TANGO6: variants seen among roughly 807,000 people sequenced by gnomAD.
The protein encoded by TANGO6 is transport and Golgi organization protein 6 homolog.
A neutral mutation model predicts 114.2 loss-of-function variants in TANGO6; 90 were observed. The observed-to-expected ratio is 0.79, with a 90% CI of 0.66 to 0.94. The LOEUF is 0.94. Among genes scored for constraint, TANGO6 ranks in the 40% least tolerant of loss-of-function variants. The pLI is 0.00. For missense variants in TANGO6, 1,274 were observed against 1,315.3 expected, an observed-to-expected ratio of 0.97 and a Z score of 0.49; for synonymous variants, 477 against 509.8, an observed-to-expected ratio of 0.94 and a Z score of 0.87.
At chr16:68,962,459 A>G (rs922517225) in intron 14 of TANGO6, among the ~76,000 whole-genome samples, 1 of 152,082 alleles carries the variant, frequency 6.6e-6, no homozygotes, top group African/African-American at 2.4e-5. Flanking sequence ...ATACATTTTC[A>G]TATCTTCTTT....
chr16:68,902,205 A>C, intron 8 of TANGO6, 123 bp from the exon 9 acceptor site: 6 of 851,820 alleles, frequency 7.0e-6, no homozygotes, highest in East Asian at 2.7e-5. Context: ...CAGTAGTACT[A>C]GGAGATTGTG....
At chr16:68,882,781 G>T (rs1803274935) in intron 7 of TANGO6, among the ~76,000 whole-genome samples, 1 of 152,034 alleles carries the variant, frequency 6.6e-6, no homozygotes, top group Non-Finnish European at 1.5e-5. Flanking sequence ...CACTTTGGGA[G>T]GCCAAGGCGG....
At chr16:69,017,839 C>G (rs958123986) in intron 15 of TANGO6, among the ~76,000 whole-genome samples, 1 of 151,992 alleles carries the variant, frequency 6.6e-6, no homozygotes, top group African/African-American at 2.4e-5. Context: ...CCCTTCCTAA[C>G]TCCAGAAAGA....
At chr16:69,038,571 T>A (rs946829398) in intron 16 of TANGO6, among the ~76,000 whole-genome samples, 1 of 152,232 alleles carries the variant, frequency 6.6e-6, no homozygotes, top group Non-Finnish European at 1.5e-5. Flanking sequence ...TTGTTGTCAT[T>A]CTTGTTAATT....
intron 17 of TANGO6, among the ~76,000 whole-genome samples, chr16:69,060,238 G>A (rs1960093943): frequency 6.6e-6 from 1 of 152,056 alleles, no homozygotes. Context: ...GGTTGCTCTT[G>A]AACTCCTGGG....
intron 12 of TANGO6, chr16:68,926,944 G>A (rs540353314): frequency 1.3e-5 from 2 of 152,546 alleles, no homozygotes; most frequent in African/African-American, 4.8e-5. Flanking sequence ...AATTCTAATA[G>A]AGCTGTAACA....
At chr16:69,070,914 C>T (rs991718222) in intron 17 of TANGO6, among the ~76,000 whole-genome samples, 1 of 151,786 alleles carries the variant, frequency 6.6e-6, no homozygotes, top group Non-Finnish European at 1.5e-5. Context: ...ACTGGGATTA[C>T]AGGTACCCAC....
rs527435052 is a variant in TANGO6 at position 68,846,113 on chromosome 16, C to T, written c.94+2402C>T. 4.5e-4 allele frequency among the ~76,000 whole-genome samples: 68 copies of T among 152,228 alleles called. 1 individual carries two copies. The South Asian group carries it at 0.014, about 31-fold the overall frequency. On this transcript the variant is annotated intron_variant, in intron 1 of 17. Coordinates refer to ENST00000261778, the MANE Select transcript of TANGO6 (RefSeq NM_024562.2). ...CAATCTCAGCTCACTGCAACCTCCACCTCCCAGGTTCAAGTGATTCTTCTA... is the reference window on the plus strand; with the variant it reads ...CAATCTCAGCTCACTGCAACCTCCATCTCCCAGGTTCAAGTGATTCTTCTA...
At chr16:69,019,403 C>T (rs915900921) in intron 15 of TANGO6, among the ~76,000 whole-genome samples, 1 of 152,164 alleles carries the variant, frequency 6.6e-6, no homozygotes, top group Non-Finnish European at 1.5e-5. Context: ...AGTCTTATGA[C>T]TGCATGTAGT....
intron 9 of TANGO6, among the ~76,000 whole-genome samples, chr16:68,905,078 C>T (rs1403757792): frequency 6.6e-6 from 1 of 151,814 alleles, no homozygotes; most frequent in African/African-American, 2.4e-5. Flanking sequence ...CAAAATTAGC[C>T]GGGCGTGGTG....
At chr16:69,054,777 CA>C (rs34537360) in intron 17 of TANGO6, among the ~76,000 whole-genome samples, 80,901 of 143,536 alleles carry the variant, frequency 0.56, 22,285 homozygotes, top group Admixed American at 0.62. Context: ...ACTAAAAATA[CA>C]AAAAAAAAAA....
At chr16:68,930,154 C>A in intron 13 of TANGO6, 84 bp from the exon 14 acceptor site, 1 of 1,187,354 alleles carries the variant, frequency 8.4e-7, no homozygotes, top group Non-Finnish European at 1.2e-6. Flanking sequence ...GAAGCATTTA[C>A]TCCTTTGAGC....
intron 15 of TANGO6, among the ~76,000 whole-genome samples, chr16:69,012,581 A>AAAAAAAAAAG (rs1964153575): frequency 1.8e-5 from 2 of 111,970 alleles, no homozygotes; most frequent in African/African-American, 7.5e-5. Flanking sequence ...AAAAAAAAGG[A>AAAAAAAAAAG]AAAAAAAAAA....
chr16:68,897,579 ATT>A (rs36068754), intron 7 of TANGO6, among the ~76,000 whole-genome samples: 10 of 141,566 alleles, frequency 7.1e-5, no homozygotes, highest in Admixed American at 2.1e-4. Flanking sequence ...AAATTAGCGG[ATT>A]TTTTTTTTTT....
At chr16:68,847,999 C>CAAAAAAA (rs1329686470) in intron 1 of TANGO6, among the ~76,000 whole-genome samples, 1 of 62,322 alleles carries the variant, frequency 1.6e-5, no homozygotes, top group Non-Finnish European at 3.2e-5. Flanking sequence ...GACTCCATCA[C>CAAAAAAA]AAAAAAAAAA....
intron 11 of TANGO6, among the ~76,000 whole-genome samples, chr16:68,912,952 C>T (rs527286053): frequency 2.0e-5 from 3 of 150,900 alleles, no homozygotes; most frequent in Non-Finnish European, 3.0e-5. Flanking sequence ...TGGTGGCAAG[C>T]GCCTGTAATC....
At chr16:69,071,035 A>T (rs1377266773) in intron 17 of TANGO6, among the ~76,000 whole-genome samples, 1 of 152,154 alleles carries the variant, frequency 6.6e-6, no homozygotes, top group East Asian at 1.9e-4. Flanking sequence ...CTGGCCTCCC[A>T]AAGTGTGATT....
intron 17 of TANGO6, among the ~76,000 whole-genome samples, chr16:69,059,537 T>C (rs192398988): frequency 6.6e-6 from 1 of 151,878 alleles, no homozygotes; most frequent in East Asian, 1.9e-4. Context: ...CTCTTTTCTT[T>C]TGAGACGGAG....
chr16:68,944,066 C>G (rs532045874), intron 14 of TANGO6, among the ~76,000 whole-genome samples: 1 of 152,198 alleles, frequency 6.6e-6, no homozygotes, highest in Admixed American at 6.5e-5. Flanking sequence ...AAAGATATCC[C>G]TTGAGATATG....
Sources: allele counts gnomAD v4.1 joint callset (sites outside exome capture counted in the v4.1 genomes callset), GRCh38; gene constraint gnomAD v4.1.1; transcripts MANE v1.5; gene names NCBI Gene and HGNC (gene_info 2026-07-23, HGNC 2026-07-21).